Variants in TRIM66 observed in about 807,000 individuals in gnomAD.
TRIM66 encodes tripartite motif containing 66.
TRIM66 carries 99 observed loss-of-function variants against 148.2 expected under a neutral mutation model. The observed-to-expected ratio is 0.67, with a 90% CI of 0.57 to 0.79. The LOEUF (loss-of-function observed/expected upper bound fraction) is 0.79. Among genes scored for constraint, TRIM66 ranks in the 30% least tolerant of loss-of-function variants. The pLI is 0.00. For synonymous variants in TRIM66, 616 were observed against 635.9 expected (o/e 0.97, Z 0.47); for missense variants, 1,666 against 1,697.9 (o/e 0.98, Z 0.33).
chr11:8,641,057 A>G lies in TRIM66; in HGVS notation c.1318T>C (p.Ser440Pro). The part of the protein sequence containing the change: ...GSSPFYQSHQ[S>P]PVAQQEALSH... Reference sequence around the variant, plus strand: ...AGAGCCTCTTGCTGAGCCACTGGAGACTGGTGGCTTTGATAAAAGGGTGAT... The same window carrying G: ...AGAGCCTCTTGCTGAGCCACTGGAGGCTGGTGGCTTTGATAAAAGGGTGAT... Residue 440 changes from serine to proline, a missense_variant, in exon 14 of 25, where the codon TCT (serine) becomes CCT (proline). Physicochemically the swap from Ser to Pro is moderately conservative, Grantham distance 74. This residue lies in a region of TRIM66 where 1,431 missense variants were observed against 1,412.4 expected (regional missense o/e 1.01). Transcript: ENST00000646038. 6.4e-7 allele frequency: 1 copy of G among 1,551,680 alleles called. No homozygotes were observed. Among genetic ancestry groups the G allele is most frequent in the East Asian group, 2.4e-5 (1 of 40,928 alleles).
chr11:8,680,985 T>A (rs753291728), intron 1 of TRIM66: 1 of 152,226 alleles, frequency 6.6e-6, no homozygotes, highest in African/African-American at 2.4e-5. Context: ...CGTTCATTAA[T>A]GACATTAGTA....
intron 1 of TRIM66, chr11:8,680,944 TGAA>T (rs2039385583): frequency 6.6e-6 from 1 of 152,160 alleles, no homozygotes; most frequent in East Asian, 1.9e-4. Context: ...ACAAGTGATA[TGAA>T]GAATAGGAAG....
chr11:8,635,223 G>C (rs1041699533), intron 15 of TRIM66, among the ~76,000 whole-genome samples: 8 of 152,134 alleles, frequency 5.3e-5, no homozygotes, highest in African/African-American at 1.9e-4. Context: ...ATAACTCTTA[G>C]GTGGGTCACT....
intron 15 of TRIM66, among the ~76,000 whole-genome samples, chr11:8,633,691 G>A (rs2035623115): frequency 1.3e-5 from 2 of 152,192 alleles, no homozygotes; most frequent in Non-Finnish European, 1.5e-5. Context: ...CCCTGAGGTT[G>A]AGGACCCACA....
chr11:8,658,676 T>C (rs778540023), intron 6 of TRIM66: 1 of 730,922 alleles, frequency 1.4e-6, no homozygotes. Flanking sequence ...AGAGCTCAAG[T>C]TGACACACTC....
chr11:8,649,088 C>T (rs1264194091), intron 8 of TRIM66, among the ~76,000 whole-genome samples: 1 of 152,234 alleles, frequency 6.6e-6, no homozygotes, highest in African/African-American at 2.4e-5. Context: ...CCTGTAATCG[C>T]AGCACTTTGG....
rs2038965950 is a variant in TRIM66, at chr11:8,672,098, C to T, written c.28G>A (p.Gly10Arg). The change falls in exon 6 of 25, where the codon GGA becomes AGA. Residue 10 changes from glycine to arginine, a missense_variant and splice_region_variant. Gly to Arg is a moderately radical substitution (Grantham distance 125). This residue lies in a region of TRIM66 where 1,431 missense variants were observed against 1,412.4 expected (regional missense o/e 1.01). Transcript: ENST00000646038. ...CGTGTAGAGCGAGCCAGCTCCACTC[C>T]CTGTAAGTGAAGCACAAAGCAGAGT... Reference protein sequence around the residue: MARLSFWSQGVELARSTRCF... With the variant: MARLSFWSQRVELARSTRCF... 6.6e-7 allele frequency: 1 copy of T among 1,524,140 alleles called. No homozygotes were observed. The highest frequency in any genetic ancestry group is 1.4e-5 in the African/African-American group (1 of 71,268). The allele number at this position is 1,524,140 out of a possible 1,614,324, so 94.4% of individuals were successfully genotyped here. A position where few individuals can be genotyped will look rare whatever the true frequency, so the allele number is the denominator to read the frequency against.
intron 12 of TRIM66, chr11:8,644,506 C>G (rs1592115906): frequency 2.1e-5 from 9 of 434,936 alleles, no homozygotes; most frequent in South Asian, 1.5e-4. Flanking sequence ...TCAAACTTAA[C>G]TACAGCATTG....
Position 8,638,713 on chromosome 11 carries a change from G to A in TRIM66, c.2251C>T (p.Leu751Phe), listed in dbSNP as rs1327177805. The A allele has an allele frequency of 6.5e-7, 1 of 1,549,860 alleles. No homozygotes were observed. Among genetic ancestry groups the A allele is most frequent in the Admixed American group, 2.0e-5 (1 of 50,628 alleles). ...GTGCTGTCCACTGGGGGGACACTGA[G>A]AGGGGTTTCTTCCCCAGACGCCTGG... ...LPQASGEETP[L>F]SVPPVDSTIQ... The change falls in exon 15 of 25, where the codon CTC becomes TTC. Residue 751 changes from leucine (L) to phenylalanine (F), a missense_variant. Physicochemically the swap from Leu to Phe is conservative, Grantham distance 22 (BLOSUM62 0). Transcript: ENST00000646038.
At position 8,612,981 on chromosome 11, in the gene TRIM66, A is replaced by G. The variant is rs1051772132; in HGVS notation, c.*4963T>C. On this transcript the variant is annotated 3_prime_UTR_variant, in exon 25 of 25. Transcript: ENST00000646038. ...TGACTTAGATGGGGTCTCTTAGCAAACAGGCTAAAACCTCTGTGTTGTCTG... is the reference window on the plus strand; with the variant it reads ...TGACTTAGATGGGGTCTCTTAGCAAGCAGGCTAAAACCTCTGTGTTGTCTG... The G allele has an allele frequency of 6.6e-6, 1 of 152,254 alleles. No individual in the cohort carries two copies. The highest frequency in any genetic ancestry group is 2.4e-5 in the African/African-American group (1 of 41,458). The allele number at this position is 152,254 out of a possible 1,614,324, so 9.4% of individuals were successfully genotyped here. A position where few individuals can be genotyped will look rare whatever the true frequency, so the allele number is the denominator to read the frequency against.
intron 14 of TRIM66, among the ~76,000 whole-genome samples, chr11:8,639,567 CTT>C (rs1254980120): frequency 6.6e-6 from 1 of 152,230 alleles, no homozygotes; most frequent in Non-Finnish European, 1.5e-5. Context: ...GAATCCAAGT[CTT>C]AGCTCTATCT....
intron 6 of TRIM66, 64 bp downstream of exon 6, chr11:8,671,722 C>A: frequency 1.3e-6 from 1 of 755,214 alleles, no homozygotes; most frequent in South Asian, 1.6e-5. Flanking sequence ...AAATTCAGTT[C>A]CTATGAAACA....
intron 15 of TRIM66, among the ~76,000 whole-genome samples, chr11:8,637,857 G>C (rs12295729): frequency 0.2 from 30,587 of 152,122 alleles, 3,245 homozygotes; most frequent in East Asian, 0.35. Flanking sequence ...GGAGGAATGG[G>C]TGGAGGACAG....
chr11:8,658,838 C>G, intron 6 of TRIM66: 1 of 983,740 alleles, frequency 1.0e-6, no homozygotes, highest in Non-Finnish European at 1.2e-6. Context: ...AAATCTGTCT[C>G]CTACATACTC....
chr11:8,677,637 A>C (rs1382213038), intron 3 of TRIM66, among the ~76,000 whole-genome samples: 1 of 152,102 alleles, frequency 6.6e-6, no homozygotes, highest in Non-Finnish European at 1.5e-5. Flanking sequence ...AAAAAACAGA[A>C]CTAGGAAATG....
At position 8,643,362 on chromosome 11, in the gene TRIM66, C is replaced by T. The variant is rs186735122; in HGVS notation, c.1105-236G>A. Among the ~76,000 whole-genome samples the T allele has an allele frequency of 2.6e-3, 385 of 147,022 alleles. 1 individual carries two copies. The highest frequency in any genetic ancestry group is 9.2e-3 in the African/African-American group (367 of 40,008). On this transcript the variant is annotated intron_variant, in intron 12 of 24. Coordinates refer to ENST00000646038, the MANE Select transcript of TRIM66 (RefSeq NM_001388022.1). ...CTTTTTTTTTTTTTTTTAATTGAGA[C>T]GGGGTCTCACTCTGTTGCCCAGGCT...
chr11:8,664,057 C>T (rs2038430893), intron 6 of TRIM66, among the ~76,000 whole-genome samples: 1 of 152,066 alleles, frequency 6.6e-6, no homozygotes. Context: ...TTCAAGAGAT[C>T]CATTGTACAG....
At chr11:8,647,872 C>CCTCTTCA in intron 10 of TRIM66, 98 bp downstream of exon 10, 1 of 923,880 alleles carries the variant, frequency 1.1e-6, no homozygotes, top group Non-Finnish European at 1.7e-6. Context: ...AACCACAGTT[C>CCTCTTCA]CTCTTCACAG....
intron 24 of TRIM66, 105 bp from the exon 25 acceptor site, chr11:8,618,108 T>C (rs371727340): frequency 1.8e-6 from 2 of 1,121,276 alleles, no homozygotes; most frequent in African/African-American, 3.1e-5. Context: ...ACGTATTTTA[T>C]TCTACCCTAG....
Sources: allele counts gnomAD v4.1 joint callset (sites outside exome capture counted in the v4.1 genomes callset), GRCh38; gene constraint gnomAD v4.1.1; regional missense constraint gnomAD v4.1.1; transcripts MANE v1.5; gene names NCBI Gene and HGNC (gene_info 2026-07-23, HGNC 2026-07-21).